FILIP1L: variants seen among roughly 807,000 people sequenced by gnomAD.
The protein encoded by FILIP1L is filamin A-interacting protein 1-like.
FILIP1L carries 55 observed loss-of-function variants against 96.6 expected under a neutral mutation model. The observed-to-expected ratio is 0.57, with a 90% CI of 0.46 to 0.71. FILIP1L has a LOEUF of 0.71. Among genes scored for constraint, FILIP1L ranks in the 30% least tolerant of loss-of-function variants. The pLI is 0.00. For missense variants in FILIP1L, 1,304 were observed against 1,321.2 expected (o/e 0.99, Z 0.20); for synonymous variants, 467 against 473.9 (o/e 0.99, Z 0.19).
At chr3:100,087,641 ATATAAC>A (rs1050825761) in intron 1 of FILIP1L, among the ~76,000 whole-genome samples, 4 of 152,000 alleles carry the variant, frequency 2.6e-5, no homozygotes, top group African/African-American at 9.7e-5. Flanking sequence ...TTTTTCAGAT[ATATAAC>A]TTGCGAGTTT....
intron 1 of FILIP1L, among the ~76,000 whole-genome samples, chr3:99,947,758 G>A (rs1350831319): frequency 1.3e-5 from 2 of 152,176 alleles, no homozygotes; most frequent in African/African-American, 4.8e-5. Context: ...TAGAAGGCAT[G>A]TATACTGCTG....
chr3:100,064,423 C>T (rs2065627563), intron 1 of FILIP1L, among the ~76,000 whole-genome samples: 1 of 151,948 alleles, frequency 6.6e-6, no homozygotes, highest in Non-Finnish European at 1.5e-5. Flanking sequence ...ACATTAAAGC[C>T]ACTCATTCAA....
chr3:100,037,055 G>T (rs563886798), intron 1 of FILIP1L, among the ~76,000 whole-genome samples: 173 of 152,236 alleles, frequency 1.1e-3, no homozygotes, highest in African/African-American at 3.9e-3. Flanking sequence ...TAAATGTGTG[G>T]GTTCTTTCAT....
chr3:99,878,999 A>G (rs972908262), intron 4 of FILIP1L, among the ~76,000 whole-genome samples: 6 of 152,184 alleles, frequency 3.9e-5, no homozygotes, highest in Admixed American at 2.6e-4. Flanking sequence ...CTGTGCCTCA[A>G]AATTGGATGA....
intron 1 of FILIP1L, among the ~76,000 whole-genome samples, chr3:99,999,602 G>C (rs1709784659): frequency 6.6e-6 from 1 of 152,190 alleles, no homozygotes; most frequent in Non-Finnish European, 1.5e-5. Flanking sequence ...TCTTGAATCT[G>C]TTAGAGAGGA....
intron 1 of FILIP1L, among the ~76,000 whole-genome samples, chr3:100,071,823 G>A (rs1277761367): frequency 6.6e-6 from 1 of 152,042 alleles, no homozygotes; most frequent in Non-Finnish European, 1.5e-5. Context: ...AGCTCTCAAG[G>A]CTTACACTTA....
intron 1 of FILIP1L, among the ~76,000 whole-genome samples, chr3:100,049,181 G>A (rs1018295214): frequency 1.9e-4 from 29 of 151,996 alleles, no homozygotes; most frequent in African/African-American, 6.8e-4. Flanking sequence ...TATACCTTTG[G>A]GAACACATAT....
chr3:99,869,974 C>T (rs1944708982), intron 4 of FILIP1L, among the ~76,000 whole-genome samples: 1 of 152,078 alleles, frequency 6.6e-6, no homozygotes, highest in Non-Finnish European at 1.5e-5. Flanking sequence ...CAGCTGTGTT[C>T]ATCTTTTCTC....
intron 1 of FILIP1L, among the ~76,000 whole-genome samples, chr3:99,938,126 T>A (rs529521381): frequency 6.6e-6 from 1 of 152,130 alleles, no homozygotes; most frequent in Non-Finnish European, 1.5e-5. Context: ...GGAAGAAATG[T>A]TAGATCCACG....
intron 1 of FILIP1L, among the ~76,000 whole-genome samples, chr3:100,062,232 T>C (rs900897049): frequency 3.5e-4 from 52 of 149,242 alleles, no homozygotes; most frequent in Non-Finnish European, 6.8e-4. Context: ...CTGCCTCAGC[T>C]GCCCGAGTAG....
At chr3:99,961,897 A>AG (rs1407675013) in intron 1 of FILIP1L, among the ~76,000 whole-genome samples, 2 of 71,566 alleles carry the variant, frequency 2.8e-5, no homozygotes, top group Non-Finnish European at 5.2e-5. Flanking sequence ...GCTAGAAACT[A>AG]GGGAAGCACT....
intron 1 of FILIP1L, among the ~76,000 whole-genome samples, chr3:100,022,147 G>T (rs1396191290): frequency 6.6e-6 from 1 of 152,124 alleles, no homozygotes; most frequent in Non-Finnish European, 1.5e-5. Context: ...GAAAAGAAAT[G>T]ATATTAGAAT....
intron 1 of FILIP1L, among the ~76,000 whole-genome samples, chr3:100,067,392 G>GTA (rs2065684979): frequency 6.6e-6 from 1 of 152,188 alleles, no homozygotes. Flanking sequence ...GGTGAAGGTT[G>GTA]TATATATAAG....
At chr3:100,038,582 G>A (rs2065149685) in intron 1 of FILIP1L, among the ~76,000 whole-genome samples, 1 of 152,152 alleles carries the variant, frequency 6.6e-6, no homozygotes, top group Admixed American at 6.5e-5. Flanking sequence ...TACTTTTGTA[G>A]GGACTGGAAG....
intron 5 of FILIP1L, among the ~76,000 whole-genome samples, chr3:99,843,490 T>C (rs1355537340): frequency 6.6e-6 from 1 of 152,242 alleles, no homozygotes; most frequent in East Asian, 1.9e-4. Flanking sequence ...AGAGGGACTA[T>C]GGTCAGAATA....
intron 1 of FILIP1L, among the ~76,000 whole-genome samples, chr3:100,042,924 A>G (rs2065228152): frequency 6.6e-6 from 1 of 152,252 alleles, no homozygotes; most frequent in Non-Finnish European, 1.5e-5. Flanking sequence ...ACAAGTCCAC[A>G]TTCATCATGG....
Position 99,851,056 on chromosome 3 carries a change from A to G in FILIP1L, c.620T>C (p.Ile207Thr), listed in dbSNP as rs374290715. The G allele has an allele frequency of 1.2e-5, 19 of 1,587,626 alleles. No individual in the cohort carries two copies. In the African/African-American group the frequency reaches 2.3e-4, roughly 19 times the overall value. ...EQECERLKKL[I>T]DQEIKSQEEK... ...CTCCTGAGACTTGATTTCTTGATCAATTAGCTTCTTTAATCTGAAAAATGT... is the reference window on the plus strand; with the variant it reads ...CTCCTGAGACTTGATTTCTTGATCAGTTAGCTTCTTTAATCTGAAAAATGT... Residue 207 changes from isoleucine (I) to threonine (T), a missense_variant, in exon 5 of 6, where the codon ATT becomes ACT. Coordinates refer to ENST00000477258, the MANE Select transcript of FILIP1L (RefSeq NM_001387850.1).
At chr3:99,937,090 A>G (rs535942958) in intron 1 of FILIP1L, among the ~76,000 whole-genome samples, 2 of 152,218 alleles carry the variant, frequency 1.3e-5, no homozygotes, top group East Asian at 3.9e-4. Context: ...GGCGCCTGCC[A>G]TCATGTGGCT....
chr3:99,974,455 A>G (rs1461655257), intron 1 of FILIP1L, among the ~76,000 whole-genome samples: 1 of 152,180 alleles, frequency 6.6e-6, no homozygotes, highest in Non-Finnish European at 1.5e-5. Context: ...CACGCCTGTA[A>G]TCACAGCACT....
Sources: gnomAD v4.1 joint callset for allele counts (sites outside exome capture counted in the v4.1 genomes callset) on GRCh38, gnomAD v4.1.1 for gene constraint, MANE v1.5 for transcripts, NCBI Gene and HGNC (gene_info 2026-07-23, HGNC 2026-07-21) for gene names.